The following IL1RAPL1 variants were observed in gnomAD, a reference collection of about 807,000 sequenced individuals.
The protein encoded by IL1RAPL1 is interleukin 1 receptor accessory protein like 1.
A neutral mutation model predicts 48.4 loss-of-function variants in IL1RAPL1; 3 were observed. That is an observed-to-expected ratio of 0.06 (90% CI 0.03 to 0.16). The LOEUF (loss-of-function observed/expected upper bound fraction) is 0.16, where lower values mean the gene tolerates loss of function less well. Ranked by LOEUF, IL1RAPL1 falls within the 10% of genes least tolerant of loss-of-function variation. The pLI is 1.00. For synonymous variants in IL1RAPL1, 185 were observed against 187.7 expected, an observed-to-expected ratio of 0.99 and a Z score of 0.12; for missense variants, 349 against 530.6, an observed-to-expected ratio of 0.66 and a Z score of 3.36.
intron 3 of IL1RAPL1, among the ~76,000 whole-genome samples, chrX:29,347,358 T>C (rs1424851184): frequency 9.2e-6 from 1 of 109,091 alleles, no homozygotes; most frequent in Non-Finnish European, 1.9e-5. Flanking sequence ...TAGCAAACAG[T>C]ATATGGTGAT....
At chrX:28,972,649 G>A (rs1173589510) in intron 2 of IL1RAPL1, among the ~76,000 whole-genome samples, 1 of 111,390 alleles carries the variant, frequency 9.0e-6, no homozygotes, top group Non-Finnish European at 1.9e-5. Flanking sequence ...TGAGGCGGGA[G>A]AATGGCGTGA....
Position 29,920,094 on chromosome X carries a change from G to A in IL1RAPL1, c.1057G>A (p.Glu353Lys). 8.3e-7 allele frequency: 1 copy of A among 1,211,436 alleles called. No individual in the cohort carries two copies. Reference sequence around the variant, plus strand: ...CGCCAGCGTTCTCCTTCATAAACGAGGTGAGTGTAACCTTCTAAGCTTCGG... The same window carrying A: ...CGCCAGCGTTCTCCTTCATAAACGAAGTGAGTGTAACCTTCTAAGCTTCGG... ...RHASVLLHKR[E>K]LMYTVELAGG... is the part of the protein sequence containing the mutation. Residue 353 changes from glutamate to lysine, a missense_variant and splice_region_variant, in exon 8 of 11, where the codon GAG becomes AAG. Glu to Lys is a moderately conservative substitution (Grantham distance 56). This residue lies in a region of IL1RAPL1 where 238 missense variants were observed against 337.8 expected (regional missense o/e 0.70). Coordinates refer to ENST00000378993, the MANE Select transcript of IL1RAPL1 (RefSeq NM_014271.4).
At chrX:29,135,528 GT>G (rs1929106878) in intron 2 of IL1RAPL1, among the ~76,000 whole-genome samples, 1 of 111,604 alleles carries the variant, frequency 9.0e-6, no homozygotes, top group East Asian at 2.8e-4. Flanking sequence ...ATTTCACAGT[GT>G]CAGGAATCTA....
chrX:29,592,521 A>G (rs965474496), intron 5 of IL1RAPL1, among the ~76,000 whole-genome samples: 2 of 111,214 alleles, frequency 1.8e-5, no homozygotes, highest in African/African-American at 6.5e-5. Context: ...TATATAAATA[A>G]ATAGTAAATG....
intron 1 of IL1RAPL1, among the ~76,000 whole-genome samples, chrX:28,756,615 T>C (rs1363177925): frequency 8.9e-6 from 1 of 112,200 alleles, no homozygotes; most frequent in African/African-American, 3.2e-5. Context: ...TAATCACTTT[T>C]TCAAAACGGT....
chrX:29,168,044 T>G (rs1929820762), intron 2 of IL1RAPL1, among the ~76,000 whole-genome samples: 1 of 110,834 alleles, frequency 9.0e-6, no homozygotes, highest in Non-Finnish European at 1.9e-5. Context: ...GTTTTCTACT[T>G]TTACATTTTT....
intron 5 of IL1RAPL1, among the ~76,000 whole-genome samples, chrX:29,625,438 A>G (rs1362034328): frequency 8.9e-6 from 1 of 111,924 alleles, no homozygotes; most frequent in Admixed American, 9.5e-5. Context: ...ATTTTTAAAA[A>G]TTATTTTCCC....
chrX:29,900,896 G>A (rs1412893911), intron 6 of IL1RAPL1, among the ~76,000 whole-genome samples: 1 of 111,697 alleles, frequency 9.0e-6, no homozygotes, highest in Non-Finnish European at 1.9e-5. Flanking sequence ...GGGTAACAAG[G>A]ATACCCCAAA....
intron 2 of IL1RAPL1, among the ~76,000 whole-genome samples, chrX:28,873,261 C>A (rs1268237868): frequency 9.3e-6 from 1 of 107,836 alleles, no homozygotes; most frequent in Non-Finnish European, 1.9e-5. Context: ...CAGGCACTCG[C>A]GACCATGCCT....
intron 5 of IL1RAPL1, among the ~76,000 whole-genome samples, chrX:29,563,113 A>T (rs1437137413): frequency 8.9e-6 from 1 of 112,191 alleles, no homozygotes; most frequent in Non-Finnish European, 1.9e-5. Context: ...ATAGAAATAC[A>T]TAGCTCTCTA....
At chrX:29,089,004 C>T (rs185610450) in intron 2 of IL1RAPL1, among the ~76,000 whole-genome samples, 2 of 111,320 alleles carry the variant, frequency 1.8e-5, no homozygotes, top group Non-Finnish European at 3.8e-5. Context: ...AAAATGAGAA[C>T]AGTCCTACCT....
At chrX:28,704,823 C>CAAAAAAAAAA in intron 1 of IL1RAPL1, among the ~76,000 whole-genome samples, 1 of 46,354 alleles carries the variant, frequency 2.2e-5, no homozygotes, top group Admixed American at 2.8e-4. Context: ...CACACACACA[C>CAAAAAAAAAA]ACACACACAA....
chrX:29,623,799 C>T lies in IL1RAPL1; in HGVS notation c.704-44631C>T, dbSNP rs764103854. On this transcript the variant is annotated intron_variant, in intron 5 of 10. Transcript: ENST00000378993. ...CATTAGAGAGGAATTCCACGTGCAT[C>T]GCCTCTGAGCTGCAGCTCCTGTGAA... Among the ~76,000 whole-genome samples, 72 of 112,022 alleles carry T rather than the reference C, an allele frequency of 6.4e-4. 2 individuals are homozygous for T. Among genetic ancestry groups the T allele is most frequent in the Admixed American group, 4.2e-3 (44 of 10,555 alleles).
chrX:28,744,598 T>C (rs896041344), intron 1 of IL1RAPL1, among the ~76,000 whole-genome samples: 3 of 111,751 alleles, frequency 2.7e-5, no homozygotes, highest in African/African-American at 9.8e-5. Context: ...AAAATGCCAA[T>C]AGTGATTATT....
chrX:29,148,973 C>T (rs1349565194), intron 2 of IL1RAPL1, among the ~76,000 whole-genome samples: 1 of 110,928 alleles, frequency 9.0e-6, no homozygotes, highest in African/African-American at 3.3e-5. Context: ...TGAAGTCTTG[C>T]CCTGCTTGAT....
chrX:29,628,176 G>A (rs1368788265), intron 5 of IL1RAPL1, among the ~76,000 whole-genome samples: 2 of 112,221 alleles, frequency 1.8e-5, no homozygotes, highest in Non-Finnish European at 3.8e-5. Flanking sequence ...CTTAAAGAAA[G>A]GCTACTTGTT....
At chrX:29,813,441 A>C (rs1197769508) in intron 6 of IL1RAPL1, among the ~76,000 whole-genome samples, 1 of 111,956 alleles carries the variant, frequency 8.9e-6, no homozygotes, top group Non-Finnish European at 1.9e-5. Flanking sequence ...AAACAAAGTA[A>C]GAGAATCTAA....
chrX:28,816,301 T>C (rs1031000906), intron 2 of IL1RAPL1, among the ~76,000 whole-genome samples: 2 of 109,930 alleles, frequency 1.8e-5, no homozygotes. Context: ...TATATGGGTA[T>C]ATTGTATGAT....
intron 1 of IL1RAPL1, among the ~76,000 whole-genome samples, chrX:28,737,227 CTTTCTTTCTT>C (rs1935851638): frequency 2.5e-5 from 2 of 81,561 alleles, no homozygotes; most frequent in African/African-American, 9.2e-5. Flanking sequence ...TTCTTTCTTT[CTTTCTTTCTT>C]TCTTTCTTTC....
Sources: allele counts gnomAD v4.1 joint callset (sites outside exome capture counted in the v4.1 genomes callset), GRCh38; gene constraint gnomAD v4.1.1; regional missense constraint gnomAD v4.1.1; transcripts MANE v1.5; gene names NCBI Gene and HGNC (gene_info 2026-07-23, HGNC 2026-07-21).